Variants in CD2AP observed in about 807,000 individuals in gnomAD.
The protein encoded by CD2AP is CD2-associated protein.
CD2AP carries 46 observed loss-of-function variants against 85.1 expected under a neutral mutation model. The ratio of observed to expected loss-of-function variants is 0.54; its 90% confidence interval spans 0.43 to 0.69. The LOEUF is 0.69. Among genes scored for constraint, CD2AP ranks in the 30% least tolerant of loss-of-function variants. The probability of loss-of-function intolerance (pLI) is 0.00; values close to 1 mark genes in which losing one functional copy is unlikely to be tolerated. For synonymous variants in CD2AP, 255 were observed against 252.9 expected (o/e 1.01, Z -0.08); for missense variants, 769 against 729.5 (o/e 1.05, Z -0.62).
intron 2 of CD2AP, among the ~76,000 whole-genome samples, chr6:47,507,212 T>C (rs12661873): frequency 0.25 from 38,268 of 152,124 alleles, 5,527 homozygotes; most frequent in East Asian, 0.6. Flanking sequence ...CTTCTAATTC[T>C]AGTTCTCTAT....
chr6:47,509,125 G>A (rs527631909), intron 2 of CD2AP, among the ~76,000 whole-genome samples: 3 of 152,126 alleles, frequency 2.0e-5, no homozygotes, highest in Admixed American at 1.3e-4. Flanking sequence ...GTATCATTGT[G>A]TCTCAGGGAA....
At chr6:47,487,874 T>C (rs1157567985) in intron 1 of CD2AP, among the ~76,000 whole-genome samples, 3 of 152,120 alleles carry the variant, frequency 2.0e-5, no homozygotes. Context: ...ATCCACTAAG[T>C]CTGATTCAGT....
chr6:47,581,843 A>T (rs548126888), intron 10 of CD2AP, among the ~76,000 whole-genome samples, 160 bp from the exon 11 acceptor site: 1 of 152,168 alleles, frequency 6.6e-6, no homozygotes, highest in Non-Finnish European at 1.5e-5. Context: ...CAGGTCCAGG[A>T]TTAGAAATTG....
chr6:47,580,838 C>T lies in CD2AP; in HGVS notation c.1009-26C>T, dbSNP rs376478979. On this transcript the variant is annotated intron_variant, in intron 9 of 17. Transcript: ENST00000359314. ...TATATTTGATATGAAACTGGTCAGC[C>T]GTTTCCACCATTATTATTTTAACAG... 239 of 1,575,512 alleles carry T rather than the reference C, an allele frequency of 1.5e-4. No homozygotes were observed. In the African/African-American group the frequency reaches 2.5e-3, roughly 17 times the overall value.
chr6:47,538,458 C>T (rs1275406690), intron 3 of CD2AP, among the ~76,000 whole-genome samples: 1 of 152,100 alleles, frequency 6.6e-6, no homozygotes. Flanking sequence ...GTTGGTCAGG[C>T]TGGTCTCGAA....
intron 1 of CD2AP, among the ~76,000 whole-genome samples, chr6:47,499,266 G>A (rs1018077168): frequency 2.0e-5 from 3 of 151,878 alleles, no homozygotes; most frequent in Non-Finnish European, 4.4e-5. Context: ...GATGTTGCTG[G>A]TTTCAGGTCC....
intron 5 of CD2AP, among the ~76,000 whole-genome samples, chr6:47,564,017 G>T (rs1767928927): frequency 6.6e-6 from 1 of 152,112 alleles, no homozygotes; most frequent in African/African-American, 2.4e-5. Context: ...CATTGAGGTA[G>T]GAATCAGTGG....
At chr6:47,583,603 A>G (rs1346517582) in intron 11 of CD2AP, among the ~76,000 whole-genome samples, 1 of 152,176 alleles carries the variant, frequency 6.6e-6, no homozygotes, top group African/African-American at 2.4e-5. Context: ...TGGGAGGCAT[A>G]TGTTGTTAGC....
intron 2 of CD2AP, among the ~76,000 whole-genome samples, chr6:47,523,157 G>A (rs1766639201): frequency 1.3e-5 from 2 of 151,974 alleles, no homozygotes; most frequent in East Asian, 1.9e-4. Context: ...ATGTATTGAC[G>A]ACTTTAATAG....
Position 47,554,520 on chromosome 6 carries a change from T to A in CD2AP, c.421-126T>A. 3 of 871,848 alleles carry A rather than the reference T, an allele frequency of 3.4e-6. No individual in the cohort carries two copies. The South Asian group carries it at 4.9e-5, about 14-fold the overall frequency. 54.0% of individuals were successfully genotyped at this position (871,848 alleles called of 1,614,324 possible). A position where few individuals can be genotyped will look rare whatever the true frequency, so the allele number is the denominator to read the frequency against. On this transcript the variant is annotated intron_variant, in intron 4 of 17. Transcript: ENST00000359314. ...TATATTTTCTTCATTGTGTTTTAAA[T>A]TTTAAAGGGTTTATTTCATAGTGCT...
chr6:47,530,665 A>G (rs76226765), intron 2 of CD2AP, among the ~76,000 whole-genome samples: 1,909 of 152,278 alleles, frequency 0.013, 35 homozygotes, highest in African/African-American at 0.041. Flanking sequence ...TGTAAAATGT[A>G]CAGTACTGTG....
At chr6:47,607,818 CAGT>C (rs1369680839) in intron 14 of CD2AP, 106 bp from the exon 15 acceptor site, 1 of 704,810 alleles carries the variant, frequency 1.4e-6, no homozygotes, top group African/African-American at 1.8e-5. Context: ...ATATCAGCAA[CAGT>C]AGCAGCTGAA....
At chr6:47,480,730 T>C (rs565409572) in intron 1 of CD2AP, among the ~76,000 whole-genome samples, 104 of 150,842 alleles carry the variant, frequency 6.9e-4, no homozygotes, top group African/African-American at 2.4e-3. Context: ...TGTACCAACT[T>C]GGGAAAAAAA....
rs201953702 is a variant in CD2AP at position 47,587,560 on chromosome 6, GTAAT to G, written c.1108+5496_1108+5499del. On this transcript the variant is annotated intron_variant, in intron 11 of 17. Coordinates refer to ENST00000359314, the MANE Select transcript of CD2AP (RefSeq NM_012120.3). The stretch of plus-strand genomic sequence containing the variant: ...TCCTGGCAAGCTGTGTCCCAGAATG[GTAAT>G]AATATTACCACTTTGAAGCACAAGT... Among the ~76,000 whole-genome samples, 185 of 152,234 alleles carry G rather than the reference GTAAT, an allele frequency of 1.2e-3. 2 individuals carry two copies. The East Asian group carries it at 0.032, about 26-fold the overall frequency.
intron 1 of CD2AP, among the ~76,000 whole-genome samples, chr6:47,490,670 G>T (rs895132261): frequency 2.0e-5 from 3 of 151,930 alleles, no homozygotes; most frequent in Admixed American, 6.6e-5. Context: ...TTTAAACTTT[G>T]ATTAAGTTTT....
At chr6:47,604,072 T>C (rs1769209416) in intron 13 of CD2AP, among the ~76,000 whole-genome samples, 1 of 152,122 alleles carries the variant, frequency 6.6e-6, no homozygotes, top group Non-Finnish European at 1.5e-5. Context: ...AAAATCAGTT[T>C]ATTTTCTCTC....
intron 17 of CD2AP, among the ~76,000 whole-genome samples, chr6:47,615,792 A>ATTTATTTATTTATTTATTT (rs1554129260): frequency 1.7e-5 from 2 of 117,374 alleles, no homozygotes; most frequent in Non-Finnish European, 3.9e-5. Flanking sequence ...AATTTAATTT[A>ATTTATTTATTTATTTATTT]ATTTATTTAT....
chr6:47,587,830 C>A (rs1172084117), intron 11 of CD2AP, among the ~76,000 whole-genome samples: 1 of 152,138 alleles, frequency 6.6e-6, no homozygotes, highest in Non-Finnish European at 1.5e-5. Flanking sequence ...CACAGTCATA[C>A]CCACAGAAAG....
intron 2 of CD2AP, among the ~76,000 whole-genome samples, chr6:47,507,304 C>T (rs1055114864): frequency 6.6e-6 from 1 of 152,166 alleles, no homozygotes; most frequent in Non-Finnish European, 1.5e-5. Flanking sequence ...TCTGTTTCTT[C>T]CAGACTCCCA....
Sources: gnomAD v4.1 joint callset for allele counts (sites outside exome capture counted in the v4.1 genomes callset) on GRCh38, gnomAD v4.1.1 for gene constraint, MANE v1.5 for transcripts, NCBI Gene and HGNC (gene_info 2026-07-23, HGNC 2026-07-21) for gene names.